Variants in CTNNA3 observed in about 807,000 individuals in gnomAD.
CTNNA3 encodes catenin alpha-3.
CTNNA3 carries 76 observed loss-of-function variants against 95.7 expected under a neutral mutation model. The ratio of observed to expected loss-of-function variants is 0.79; its 90% CI spans 0.66 to 0.96. CTNNA3 has a LOEUF of 0.96. Ranked by LOEUF, CTNNA3 falls within the 40% of genes least tolerant of loss-of-function variation. CTNNA3 has a pLI of 0.00. For synonymous variants in CTNNA3, 431 were observed against 374.4 expected, an observed-to-expected ratio of 1.15 and a Z score of -1.74; for missense variants, 1,191 against 1,089.8, an observed-to-expected ratio of 1.09 and a Z score of -1.31.
intron 9 of CTNNA3, among the ~76,000 whole-genome samples, chr10:66,627,508 C>T (rs72799270): frequency 0.011 from 1,720 of 152,126 alleles, 23 homozygotes; most frequent in South Asian, 0.052. Flanking sequence ...ATTTATTTTC[C>T]TTTGCATACA....
chr10:67,484,328 G>C (rs546688994), intron 5 of CTNNA3, among the ~76,000 whole-genome samples: 1 of 152,060 alleles, frequency 6.6e-6, no homozygotes, highest in Non-Finnish European at 1.5e-5. Context: ...AACTCAAAAT[G>C]GATTAAATAT....
intron 11 of CTNNA3, among the ~76,000 whole-genome samples, chr10:66,479,509 A>G (rs1354832100): frequency 6.6e-6 from 1 of 152,082 alleles, no homozygotes; most frequent in Non-Finnish European, 1.5e-5. Context: ...ACATCTTTAC[A>G]ATATTAAATA....
chr10:67,234,919 T>A (rs1161825631), intron 5 of CTNNA3, among the ~76,000 whole-genome samples: 5 of 145,972 alleles, frequency 3.4e-5, no homozygotes, highest in Non-Finnish European at 3.0e-5. Context: ...CACAATTGCT[T>A]CAAAGAGAAT....
chr10:66,926,820 A>G, intron 7 of CTNNA3: 1 of 1,099,406 alleles, frequency 9.1e-7, no homozygotes, highest in Non-Finnish European at 1.3e-6. Context: ...TGTTATTTAG[A>G]TTTAAATTTT....
chr10:66,674,281 C>T (rs1846768175), intron 9 of CTNNA3, among the ~76,000 whole-genome samples: 1 of 151,818 alleles, frequency 6.6e-6, no homozygotes, highest in South Asian at 2.1e-4. Flanking sequence ...TTTTTATTTG[C>T]TTTTGGGTTT....
chr10:67,203,029 A>T (rs1173363918), intron 6 of CTNNA3, among the ~76,000 whole-genome samples: 1 of 152,176 alleles, frequency 6.6e-6, no homozygotes, highest in African/African-American at 2.4e-5. Flanking sequence ...CTCCAAAAAA[A>T]GGTATTTGAA....
chr10:66,336,193 C>G (rs2092393885), intron 12 of CTNNA3, among the ~76,000 whole-genome samples: 3 of 151,956 alleles, frequency 2.0e-5, no homozygotes, highest in Admixed American at 2.0e-4. Context: ...TGAGGCAATG[C>G]CTCACCCTGC....
At chr10:66,197,512 A>C (rs1200216511) in intron 13 of CTNNA3, among the ~76,000 whole-genome samples, 1 of 152,164 alleles carries the variant, frequency 6.6e-6, no homozygotes, top group Non-Finnish European at 1.5e-5. Context: ...CTAATTATTC[A>C]ATTATACCTT....
intron 5 of CTNNA3, among the ~76,000 whole-genome samples, chr10:67,287,262 C>G (rs1220528801): frequency 6.6e-6 from 1 of 151,998 alleles, no homozygotes; most frequent in African/African-American, 2.4e-5. Flanking sequence ...CACTTGAACC[C>G]AGGAGACGGA....
intron 5 of CTNNA3, among the ~76,000 whole-genome samples, chr10:67,286,724 C>A (rs1839617376): frequency 6.6e-6 from 1 of 152,182 alleles, no homozygotes; most frequent in African/African-American, 2.4e-5. Flanking sequence ...ATGGGAAGGC[C>A]TTCATGATAC....
chr10:66,687,252 T>G (rs964496540), intron 9 of CTNNA3, among the ~76,000 whole-genome samples: 1 of 152,046 alleles, frequency 6.6e-6, no homozygotes, highest in Non-Finnish European at 1.5e-5. Context: ...AAAAAGGTGA[T>G]AAATTTCAAA....
intron 13 of CTNNA3, among the ~76,000 whole-genome samples, chr10:66,195,230 C>G (rs528669613): frequency 6.6e-6 from 1 of 151,738 alleles, no homozygotes; most frequent in Non-Finnish European, 1.5e-5. Context: ...AAAGATGACC[C>G]TTTATTTTCT....
At chr10:67,371,623 T>C (rs954408252) in intron 5 of CTNNA3, among the ~76,000 whole-genome samples, 1 of 152,214 alleles carries the variant, frequency 6.6e-6, no homozygotes, top group Non-Finnish European at 1.5e-5. Flanking sequence ...TAATCCAGTC[T>C]ATCATTGATG....
intron 15 of CTNNA3, among the ~76,000 whole-genome samples, chr10:66,049,647 A>G (rs2079906727): frequency 6.6e-6 from 1 of 152,220 alleles, no homozygotes; most frequent in African/African-American, 2.4e-5. Context: ...TTATGGGAAC[A>G]TGGATGGAGC....
intron 7 of CTNNA3, among the ~76,000 whole-genome samples, chr10:66,785,898 A>G (rs1041545349): frequency 1.3e-5 from 2 of 152,088 alleles, no homozygotes; most frequent in African/African-American, 4.8e-5. Flanking sequence ...CAACCCCCAG[A>G]TATCACAAAA....
At chr10:67,390,267 C>T (rs992100783) in intron 5 of CTNNA3, among the ~76,000 whole-genome samples, 2 of 152,142 alleles carry the variant, frequency 1.3e-5, no homozygotes, top group African/African-American at 2.4e-5. Context: ...TCAGAGAATA[C>T]TACAAACACC....
intron 4 of CTNNA3, among the ~76,000 whole-genome samples, chr10:67,522,350 C>T (rs946217136): frequency 6.6e-6 from 1 of 152,072 alleles, no homozygotes; most frequent in African/African-American, 2.4e-5. Context: ...ACATTTCAAT[C>T]ATGGAAACAA....
intron 7 of CTNNA3, among the ~76,000 whole-genome samples, chr10:67,173,929 T>C (rs1862126101): frequency 6.6e-6 from 1 of 152,204 alleles, no homozygotes; most frequent in Non-Finnish European, 1.5e-5. Flanking sequence ...TGGCTGCCTC[T>C]GCTGGAAGGC....
At chr10:66,138,632 C>A (rs2083465788) in intron 13 of CTNNA3, among the ~76,000 whole-genome samples, 1 of 152,136 alleles carries the variant, frequency 6.6e-6, no homozygotes, top group South Asian at 2.1e-4. Flanking sequence ...AGTTTGAGAC[C>A]AGCCTGGCCA....
Sources: allele counts gnomAD v4.1 joint callset (sites outside exome capture counted in the v4.1 genomes callset), GRCh38; gene constraint gnomAD v4.1.1; transcripts MANE v1.5; gene names NCBI Gene and HGNC (gene_info 2026-07-23, HGNC 2026-07-21).